Variants in MEGF11 observed in about 807,000 individuals in gnomAD.
The protein encoded by MEGF11 is multiple epidermal growth factor-like domains protein 11.
In MEGF11, 126 loss-of-function variants were observed where a neutral mutation model predicts 146.6. The ratio of observed to expected loss-of-function variants is 0.86; its 90% CI spans 0.74 to 1.00. The LOEUF (loss-of-function observed/expected upper bound fraction) is 1.00, where lower values mean the gene tolerates loss of function less well. Among genes scored for constraint, MEGF11 ranks in the 50% least tolerant of loss-of-function variants. MEGF11 has a pLI of 0.00. For synonymous variants in MEGF11, 532 were observed against 583.4 expected (o/e 0.91, Z 1.27); for missense variants, 1,509 against 1,521.2 (o/e 0.99, Z 0.13).
At chr15:66,139,611 A>T (rs2089051132) in intron 1 of MEGF11, among the ~76,000 whole-genome samples, 1 of 29,502 alleles carries the variant, frequency 3.4e-5, no homozygotes. Flanking sequence ...CAGTAGGATA[A>T]AAAAAAAAAA....
intron 5 of MEGF11, among the ~76,000 whole-genome samples, chr15:65,992,613 G>A (rs1247531198): frequency 6.6e-6 from 1 of 151,790 alleles, no homozygotes; most frequent in Non-Finnish European, 1.5e-5. Context: ...AGATGGGAAA[G>A]TCAAATTTAT....
chr15:66,159,898 G>A (rs1380827228), intron 1 of MEGF11, among the ~76,000 whole-genome samples: 1 of 152,182 alleles, frequency 6.6e-6, no homozygotes, highest in Non-Finnish European at 1.5e-5. Context: ...TGAGCTCTCT[G>A]TGGACAAGGT....
chr15:66,034,187 A>G (rs1174900146), intron 5 of MEGF11, among the ~76,000 whole-genome samples: 1 of 152,216 alleles, frequency 6.6e-6, no homozygotes, highest in Non-Finnish European at 1.5e-5. Flanking sequence ...TTGGAAGTAG[A>G]TAACTTGAAT....
intron 13 of MEGF11, among the ~76,000 whole-genome samples, chr15:65,924,380 G>C (rs946583878): frequency 2.2e-5 from 3 of 136,400 alleles, no homozygotes; most frequent in East Asian, 2.7e-4. Context: ...GGGTGGGGGG[G>C]GGGGCAAGTG....
At position 66,031,956 on chromosome 15, in the gene MEGF11, C is replaced by T. The variant is rs142106956; in HGVS notation, c.395-49468G>A. On this transcript the variant is annotated intron_variant, in intron 5 of 25. Transcript: ENST00000395614. ...AGCAGCAGGTGAGCGAGCATTACTG[C>T]CTGAGCTCTGCCTCCTGTCAGATCA... Among the ~76,000 whole-genome samples the T allele has an allele frequency of 2.7e-3, 414 of 152,314 alleles. 2 individuals are homozygous for T. Among genetic ancestry groups the T allele is most frequent in the African/African-American group, 9.6e-3 (400 of 41,570 alleles).
At chr15:66,253,116 A>G (rs1012095295) in intron 1 of MEGF11, among the ~76,000 whole-genome samples, 1 of 152,218 alleles carries the variant, frequency 6.6e-6, no homozygotes, top group African/African-American at 2.4e-5. Flanking sequence ...CCGCCGCCGA[A>G]AACCTGCTGC....
intron 1 of MEGF11, among the ~76,000 whole-genome samples, chr15:66,175,498 G>A (rs1172296517): frequency 6.6e-6 from 1 of 152,138 alleles, no homozygotes; most frequent in Non-Finnish European, 1.5e-5. Flanking sequence ...ACAGGTTAGA[G>A]AACCCAGAAA....
chr15:65,970,900 G>C, intron 7 of MEGF11: 1 of 594,412 alleles, frequency 1.7e-6, no homozygotes, highest in Non-Finnish European at 3.0e-6. Context: ...CACAATTTAG[G>C]AACTGCCTAT....
At chr15:65,970,810 T>G in intron 7 of MEGF11, 121 bp from the exon 8 acceptor site, 9 of 1,161,876 alleles carry the variant, frequency 7.7e-6, no homozygotes, top group Non-Finnish European at 1.1e-5. Context: ...TTCAGACAGC[T>G]GGACACCAGG....
At chr15:66,078,355 G>A (rs1163157991) in intron 5 of MEGF11, among the ~76,000 whole-genome samples, 1 of 152,250 alleles carries the variant, frequency 6.6e-6, no homozygotes, top group African/African-American at 2.4e-5. Context: ...ACACGCCTGA[G>A]TGGAGAGCTC....
At chr15:65,993,423 C>T (rs1204352678) in intron 5 of MEGF11, among the ~76,000 whole-genome samples, 1 of 152,236 alleles carries the variant, frequency 6.6e-6, no homozygotes, top group Admixed American at 6.5e-5. Context: ...GATCTGTTTG[C>T]ATCACTGCCT....
At chr15:66,007,944 C>A (rs1395722197) in intron 5 of MEGF11, among the ~76,000 whole-genome samples, 2 of 152,170 alleles carry the variant, frequency 1.3e-5, no homozygotes, top group Non-Finnish European at 2.9e-5. Context: ...CAAGCACAGT[C>A]CCTGGCTGCA....
rs141183655 is a variant in MEGF11 at position 65,978,867 on chromosome 15, T to C, written c.762+1911A>G. Among the ~76,000 whole-genome samples the C allele has an allele frequency of 6.5e-3, 988 of 152,314 alleles. 12 individuals carry two copies. The highest frequency in any genetic ancestry group is 0.023 in the African/African-American group (936 of 41,562). On this transcript the variant is annotated intron_variant, in intron 7 of 25. Coordinates refer to ENST00000395614, the MANE Select transcript of MEGF11 (RefSeq NM_001385028.1). ...TCCACCTCACTCCTAACCACCAGTG[T>C]GGACTTGAACAGGTCCCTTACCCTC...
At chr15:66,039,488 T>C (rs1290060479) in intron 5 of MEGF11, among the ~76,000 whole-genome samples, 5 of 152,224 alleles carry the variant, frequency 3.3e-5, no homozygotes. Context: ...TTTACTGTTA[T>C]CATTTCATTT....
intron 5 of MEGF11, among the ~76,000 whole-genome samples, chr15:66,077,316 C>A (rs1380527239): frequency 6.6e-6 from 1 of 152,174 alleles, no homozygotes; most frequent in African/African-American, 2.4e-5. Context: ...TCTGCTTCTA[C>A]CATATTTTTA....
At chr15:66,139,662 G>T (rs543005328) in intron 1 of MEGF11, among the ~76,000 whole-genome samples, 2 of 151,506 alleles carry the variant, frequency 1.3e-5, no homozygotes, top group Non-Finnish European at 2.9e-5. Flanking sequence ...CCGAGGTAAC[G>T]ATCTATTTCT....
intron 15 of MEGF11, among the ~76,000 whole-genome samples, chr15:65,919,921 T>TAAACAAAACA (rs61245737): frequency 0.07 from 10,638 of 152,066 alleles, 461 homozygotes; most frequent in Non-Finnish European, 0.093. Context: ...ACTTTTAATT[T>TAAACAAAACA]AAACAAAACA....
At chr15:65,919,766 C>T (rs556639428) in intron 15 of MEGF11, among the ~76,000 whole-genome samples, 10 of 152,284 alleles carry the variant, frequency 6.6e-5, no homozygotes, top group South Asian at 4.1e-4. Context: ...CAGATAGGCA[C>T]GCGCCACCAT....
chr15:66,188,017 G>A (rs1414470307), intron 1 of MEGF11, among the ~76,000 whole-genome samples: 1 of 152,166 alleles, frequency 6.6e-6, no homozygotes, highest in African/African-American at 2.4e-5. Flanking sequence ...CACTACTGAC[G>A]TTTTGGGCTG....
Sources: gnomAD v4.1 joint callset for allele counts (sites outside exome capture counted in the v4.1 genomes callset) on GRCh38, gnomAD v4.1.1 for gene constraint, MANE v1.5 for transcripts, NCBI Gene and HGNC (gene_info 2026-07-23, HGNC 2026-07-21) for gene names.